ZFYVE16: variants seen among roughly 807,000 people sequenced by gnomAD.
ZFYVE16 encodes the protein zinc finger FYVE domain-containing protein 16.
In ZFYVE16, 89 loss-of-function variants were observed where a neutral mutation model predicts 138.1. That is an observed-to-expected ratio of 0.64 (90% CI 0.54 to 0.77). The LOEUF is 0.77. ZFYVE16 is among the 30% of genes least tolerant of loss of function. ZFYVE16 has a pLI of 0.00. For missense variants in ZFYVE16, 1,793 were observed against 1,786.7 expected (o/e 1.00, Z -0.06); for synonymous variants, 596 against 618.3 (o/e 0.96, Z 0.53).
chr5:80,456,498 A>G lies in ZFYVE16; in HGVS notation c.3728A>G (p.Asp1243Gly), dbSNP rs1194418733. 6.2e-7 allele frequency: 1 copy of G among 1,613,214 alleles called. No individual in the cohort carries two copies. Among genetic ancestry groups the G allele is most frequent in the Non-Finnish European group, 8.5e-7 (1 of 1,179,520 alleles). Residue 1243 changes from aspartate (D) to glycine (G), a missense_variant, in exon 13 of 19, where the codon GAT becomes GGT. Around this residue, in one of 2 missense-constraint regions of ZFYVE16, gnomAD observed 498 missense variants for 582.4 expected, o/e 0.86. Transcript: ENST00000505560. The stretch of plus-strand genomic sequence containing the variant: ...TACCAGTATACCTTGCATAATATAG[A>G]TCAACTGTTGATTCATATGGAAATG... ...RNYQYTLHNIDQLLIHMEMGK... is the reference protein window; with the variant it reads ...RNYQYTLHNIGQLLIHMEMGK...
intron 1 of ZFYVE16, among the ~76,000 whole-genome samples, chr5:80,410,706 G>A (rs369373993): frequency 6.6e-6 from 1 of 151,832 alleles, no homozygotes; most frequent in East Asian, 1.9e-4. Context: ...GAGTAGCTGG[G>A]ACTACAGGCA....
chr5:80,411,336 T>G (rs2112127104), intron 1 of ZFYVE16, among the ~76,000 whole-genome samples: 1 of 152,266 alleles, frequency 6.6e-6, no homozygotes, highest in African/African-American at 2.4e-5. Flanking sequence ...CATGTAGCTC[T>G]GAAAGGCTTA....
At chr5:80,468,316 T>C (rs1246419286) in intron 15 of ZFYVE16, among the ~76,000 whole-genome samples, 1 of 152,204 alleles carries the variant, frequency 6.6e-6, no homozygotes, top group African/African-American at 2.4e-5. Context: ...TTCTGAGAAA[T>C]GTTTCATTAG....
At chr5:80,417,916 T>C (rs1471958447) in intron 1 of ZFYVE16, among the ~76,000 whole-genome samples, 1 of 152,224 alleles carries the variant, frequency 6.6e-6, no homozygotes, top group Non-Finnish European at 1.5e-5. Context: ...AAAGCAGCTA[T>C]ACCATTTTGC....
At chr5:80,457,828 C>T (rs1752677679) in intron 14 of ZFYVE16, among the ~76,000 whole-genome samples, 1 of 151,060 alleles carries the variant, frequency 6.6e-6, no homozygotes, top group African/African-American at 2.4e-5. Context: ...GAATTGAGAC[C>T]ATACTGGCTA....
chr5:80,424,709 G>T (rs979828103), intron 1 of ZFYVE16, among the ~76,000 whole-genome samples: 1 of 152,078 alleles, frequency 6.6e-6, no homozygotes, highest in African/African-American at 2.4e-5. Context: ...CAGTTCACCT[G>T]CCTTGGCCTC....
chr5:80,424,829 A>G (rs919802336), intron 1 of ZFYVE16, among the ~76,000 whole-genome samples: 1 of 152,236 alleles, frequency 6.6e-6, no homozygotes, highest in Admixed American at 6.5e-5. Context: ...TGGTATAACC[A>G]CAATTTAAAA....
At chr5:80,418,625 T>C (rs1746611319) in intron 1 of ZFYVE16, among the ~76,000 whole-genome samples, 1 of 152,174 alleles carries the variant, frequency 6.6e-6, no homozygotes, top group South Asian at 2.1e-4. Flanking sequence ...TGGATTATCT[T>C]CTTGTCAAAT....
chr5:80,413,723 A>G (rs574026375), intron 1 of ZFYVE16, among the ~76,000 whole-genome samples: 3 of 152,218 alleles, frequency 2.0e-5, no homozygotes, highest in Admixed American at 6.5e-5. Flanking sequence ...GGCATTAAAG[A>G]TTAATTCTCT....
chr5:80,421,822 G>C (rs922753509), intron 1 of ZFYVE16, among the ~76,000 whole-genome samples: 1 of 152,022 alleles, frequency 6.6e-6, no homozygotes, highest in African/African-American at 2.4e-5. Context: ...TTTTTTTCCA[G>C]TTCTGTGAAG....
chr5:80,436,185 G>A (rs1168939242), intron 3 of ZFYVE16, among the ~76,000 whole-genome samples: 1 of 152,150 alleles, frequency 6.6e-6, no homozygotes. Flanking sequence ...CTCTTAAGTG[G>A]CCCATCTTGA....
chr5:80,476,761 A>G (rs1754950233), intron 18 of ZFYVE16, among the ~76,000 whole-genome samples: 1 of 152,230 alleles, frequency 6.6e-6, no homozygotes, highest in Non-Finnish European at 1.5e-5. Flanking sequence ...GGAAGCACTC[A>G]CTATTTGTTA....
Position 80,473,741 on chromosome 5 carries a change from T to A in ZFYVE16, c.4188-13T>A. 6.4e-7 allele frequency: 1 copy of A among 1,568,552 alleles called. No homozygotes were observed. Among genetic ancestry groups the A allele is most frequent in the Non-Finnish European group, 8.7e-7 (1 of 1,144,510 alleles). On this transcript the variant is annotated splice_polypyrimidine_tract_variant and intron_variant, in intron 16 of 18. Coordinates refer to ENST00000505560, the MANE Select transcript of ZFYVE16 (RefSeq NM_001284236.3). ...GTGCTAATAATTCTATTGTATTATGTTTTATTTCATAGAGTTATCAGTTCA... is the reference window on the plus strand; with the variant it reads ...GTGCTAATAATTCTATTGTATTATGATTTATTTCATAGAGTTATCAGTTCA...
chr5:80,453,848 T>A (rs1344619163), intron 11 of ZFYVE16: 1 of 152,186 alleles, frequency 6.6e-6, no homozygotes. Context: ...ATATCTGTGG[T>A]TTTATGTTGA....
intron 9 of ZFYVE16, 104 bp downstream of exon 9, chr5:80,449,817 G>A: frequency 7.7e-7 from 1 of 1,296,052 alleles, no homozygotes; most frequent in East Asian, 2.6e-5. Context: ...AAATAAGCAG[G>A]ATTGGATATT....
At chr5:80,431,047 C>T in intron 2 of ZFYVE16, among the ~76,000 whole-genome samples, 1 of 152,204 alleles carries the variant, frequency 6.6e-6, no homozygotes, top group Non-Finnish European at 1.5e-5. Context: ...GAAACTATTC[C>T]AATCAATAGA....
intron 1 of ZFYVE16, among the ~76,000 whole-genome samples, chr5:80,418,286 C>CCCCTCCCCTCCCCTG (rs1746555230): frequency 7.4e-6 from 1 of 135,038 alleles, no homozygotes; most frequent in Non-Finnish European, 1.6e-5. Context: ...CTTTTCCCTT[C>CCCCTCCCCTCCCCTG]CCCTCCCCTC....
chr5:80,448,256 A>T lies in ZFYVE16; in HGVS notation c.2955A>T (p.Leu985Phe). The change falls in exon 8 of 19, where the codon TTA becomes TTT. Residue 985 changes from leucine to phenylalanine, a missense_variant. Physicochemically the swap from Leu to Phe is conservative, Grantham distance 22. This residue lies in a region of ZFYVE16 where 1,295 missense variants were observed against 1,204.3 expected (regional missense o/e 1.08). Coordinates refer to ENST00000505560, the MANE Select transcript of ZFYVE16 (RefSeq NM_001284236.3). ...TEEPSSPTGV[L>F]VNSNLPIASI... ...AACCATCTAGTCCTACTGGTGTCTT[A>T]GTTAACAGCAATTTACCTATTGCTA... 4 of 1,613,844 alleles carry T rather than the reference A, an allele frequency of 2.5e-6. No homozygotes were observed. Among genetic ancestry groups the T allele is most frequent in the Non-Finnish European group, 3.4e-6 (4 of 1,179,902 alleles).
rs533318667 is a variant in ZFYVE16, at chr5:80,434,265, G to A, written c.70+48G>A. The A allele has an allele frequency of 1.1e-4, 171 of 1,591,198 alleles. 2 individuals carry two copies. In the South Asian group the frequency reaches 1.8e-3, roughly 17 times the overall value. On this transcript the variant is annotated intron_variant, in intron 3 of 18. Transcript: ENST00000505560. ...CCGCTAATGGGATTTAAAAATATCT[G>A]TAATTAAGTTATCTCAGGTATACAG... is the stretch of plus-strand genomic sequence containing the variant.
Sources: gnomAD v4.1 joint callset for allele counts (sites outside exome capture counted in the v4.1 genomes callset) on GRCh38, gnomAD v4.1.1 for gene constraint, gnomAD v4.1.1 regional missense constraint, MANE v1.5 for transcripts, NCBI Gene and HGNC (gene_info 2026-07-23, HGNC 2026-07-21) for gene names.